SEMA3C: variants seen among roughly 807,000 people sequenced by gnomAD.
SEMA3C encodes semaphorin 3C.
A neutral mutation model predicts 89.4 loss-of-function variants in SEMA3C; 47 were observed. The observed-to-expected ratio is 0.53, with a 90% confidence interval of 0.42 to 0.67. The LOEUF (loss-of-function observed/expected upper bound fraction) is 0.67, where lower values mean the gene tolerates loss of function less well. Ranked by LOEUF, SEMA3C falls within the 30% of genes least tolerant of loss-of-function variation. SEMA3C has a pLI of 0.00. For synonymous variants in SEMA3C, 310 were observed against 320.2 expected (o/e 0.97, Z 0.34); for missense variants, 839 against 929.1 (o/e 0.90, Z 1.26).
intron 4 of SEMA3C, among the ~76,000 whole-genome samples, chr7:80,825,968 G>T (rs1789863514): frequency 6.6e-6 from 1 of 151,936 alleles, no homozygotes; most frequent in South Asian, 2.1e-4. Flanking sequence ...CCAAGATTGT[G>T]GTCTAACAGA....
rs1360042964 is a variant in SEMA3C at position 80,748,913 on chromosome 7, T to C, written c.1827A>G (p.Lys609=). The part of the protein sequence containing the change: ...ASIKWLLQKD[K]DRRKEVKLNE... ...CTTTACTCACCTCTTTCCTCCTGTCTTTGTCTTTCTGTAACAGCCACTTGA... is the reference window on the plus strand; with the variant it reads ...CTTTACTCACCTCTTTCCTCCTGTCCTTGTCTTTCTGTAACAGCCACTTGA... Residue 609 remains lysine, a synonymous_variant, in exon 17 of 18, where the codon AAA becomes AAG. Transcript: ENST00000265361. The C allele has an allele frequency of 6.2e-7, 1 of 1,612,306 alleles. No individual in the cohort carries two copies. Among genetic ancestry groups the C allele is most frequent in the African/African-American group, 1.3e-5 (1 of 74,930 alleles).
chr7:80,913,944 A>G (rs1408787278), intron 2 of SEMA3C, among the ~76,000 whole-genome samples: 1 of 152,208 alleles, frequency 6.6e-6, no homozygotes, highest in Non-Finnish European at 1.5e-5. Flanking sequence ...AAGTAACACA[A>G]GACTGAGTGG....
chr7:80,745,023 G>A lies in SEMA3C; in HGVS notation c.2127C>T (p.Cys709=). The change falls in exon 18 of 18, where the codon TGC becomes TGT. Residue 709 remains cysteine (C), a synonymous_variant. Coordinates refer to ENST00000265361, the MANE Select transcript of SEMA3C (RefSeq NM_006379.5). ...GCTGATGTTGCTGCCGAGTGTCTTT[G>A]CAATATTGGTTAATCATCTGCATTT... ...HSEMQMINQY[C]KDTRQQHQQG... 1.2e-6 allele frequency: 2 copies of A among 1,614,002 alleles called. No individual in the cohort carries two copies. The highest frequency in any genetic ancestry group is 1.7e-6 in the Non-Finnish European group (2 of 1,179,988).
At chr7:80,777,093 T>C (rs1036624911) in intron 12 of SEMA3C, among the ~76,000 whole-genome samples, 5 of 152,154 alleles carry the variant, frequency 3.3e-5, no homozygotes, top group Admixed American at 6.5e-5. Context: ...TTTATCTCAT[T>C]TGGTCTTTAA....
chr7:80,823,735 A>G (rs1789807561), intron 4 of SEMA3C, among the ~76,000 whole-genome samples: 1 of 152,250 alleles, frequency 6.6e-6, no homozygotes, highest in African/African-American at 2.4e-5. Context: ...ATATCTAAAT[A>G]TATATAATCC....
chr7:80,827,074 T>C (rs1422582878), intron 4 of SEMA3C, among the ~76,000 whole-genome samples: 1 of 152,148 alleles, frequency 6.6e-6, no homozygotes, highest in East Asian at 1.9e-4. Flanking sequence ...GCCCACAGGG[T>C]ATCTGGGAGC....
chr7:80,781,402 C>T (rs1251482327), intron 12 of SEMA3C, among the ~76,000 whole-genome samples: 1 of 152,234 alleles, frequency 6.6e-6, no homozygotes, highest in African/African-American at 2.4e-5. Flanking sequence ...CCACAGACTT[C>T]CTCAGAAACT....
chr7:80,911,618 T>G (rs1439166260), intron 2 of SEMA3C, among the ~76,000 whole-genome samples: 1 of 146,524 alleles, frequency 6.8e-6, no homozygotes, highest in Non-Finnish European at 1.5e-5. Flanking sequence ...AATAGGACCT[T>G]TTTTTTTTTT....
chr7:80,897,477 C>T (rs1047890748), intron 2 of SEMA3C, among the ~76,000 whole-genome samples: 1 of 152,090 alleles, frequency 6.6e-6, no homozygotes, highest in South Asian at 2.1e-4. Flanking sequence ...CATGCCCTGG[C>T]CAATTCTGAC....
chr7:80,821,176 T>C (rs1015711471), intron 4 of SEMA3C, among the ~76,000 whole-genome samples: 1 of 152,262 alleles, frequency 6.6e-6, no homozygotes, highest in African/African-American at 2.4e-5. Context: ...TTTTTACCTT[T>C]ATAGCTGACA....
intron 2 of SEMA3C, among the ~76,000 whole-genome samples, chr7:80,862,193 C>G (rs549119917): frequency 6.6e-6 from 1 of 152,058 alleles, no homozygotes; most frequent in African/African-American, 2.4e-5. Flanking sequence ...CCTTGAAAAC[C>G]CTAAAGACTC....
chr7:80,789,278 A>G (rs1259223705), intron 12 of SEMA3C, 28 bp downstream of exon 12: 1 of 1,570,564 alleles, frequency 6.4e-7, no homozygotes, highest in Non-Finnish European at 8.7e-7. Flanking sequence ...ACTACACATT[A>G]AAGCATATCT....
intron 2 of SEMA3C, among the ~76,000 whole-genome samples, chr7:80,853,953 TA>T (rs555067667): frequency 2.0e-4 from 29 of 148,248 alleles, no homozygotes; most frequent in East Asian, 8.0e-4. Flanking sequence ...ATATTAAAAA[TA>T]AAAAAAATGT....
chr7:80,816,681 C>A (rs1333487146), intron 5 of SEMA3C, among the ~76,000 whole-genome samples: 1 of 152,112 alleles, frequency 6.6e-6, no homozygotes, highest in Non-Finnish European at 1.5e-5. Context: ...AAAATCATAA[C>A]CCTGTTCATA....
intron 10 of SEMA3C, 138 bp from the exon 11 acceptor site, chr7:80,798,374 A>G (rs1345608546): frequency 1.4e-5 from 10 of 734,366 alleles, no homozygotes. Flanking sequence ...CACATGTGAA[A>G]AGCTGAAAAA....
intron 7 of SEMA3C, 93 bp from the exon 8 acceptor site, chr7:80,804,341 T>A (rs1018330308): frequency 4.8e-6 from 4 of 831,998 alleles, no homozygotes; most frequent in African/African-American, 3.6e-5. Context: ...CTTCCCCATC[T>A]TTGGTAGAAA....
chr7:80,834,127 T>C (rs1453875387), intron 2 of SEMA3C, among the ~76,000 whole-genome samples: 3 of 152,066 alleles, frequency 2.0e-5, no homozygotes, highest in Admixed American at 6.6e-5. Flanking sequence ...TATGTAGTAT[T>C]AGAAAATGCA....
intron 15 of SEMA3C, among the ~76,000 whole-genome samples, chr7:80,753,889 G>A (rs6467372): frequency 6.2e-4 from 95 of 152,120 alleles, no homozygotes; most frequent in African/African-American, 2.2e-3. Context: ...ACTTGAGAGT[G>A]AAAATGAAAA....
At chr7:80,905,484 C>G (rs1791992619) in intron 2 of SEMA3C, among the ~76,000 whole-genome samples, 2 of 152,004 alleles carry the variant, frequency 1.3e-5, no homozygotes, top group African/African-American at 4.8e-5. Flanking sequence ...TGACTCTGCA[C>G]AGTTACAGGC....
Sources: gnomAD v4.1 joint callset for allele counts (sites outside exome capture counted in the v4.1 genomes callset) on GRCh38, gnomAD v4.1.1 for gene constraint, MANE v1.5 for transcripts, NCBI Gene and HGNC (gene_info 2026-07-23, HGNC 2026-07-21) for gene names.